The following MMP8 variants were observed in gnomAD, a reference collection of about 807,000 sequenced individuals.
MMP8 encodes the protein matrix metallopeptidase 8, also known as neutrophil collagenase.
A neutral mutation model predicts 51.2 loss-of-function variants in MMP8; 67 were observed. That is an observed-to-expected ratio of 1.31 (90% CI 1.08 to 1.60). The LOEUF is 1.60. Ranked by LOEUF, MMP8 falls within the 40% of genes most tolerant of loss-of-function variation. The pLI is 0.00. For synonymous variants in MMP8, 225 were observed against 191.0 expected, an observed-to-expected ratio of 1.18 and a Z score of -1.47; for missense variants, 654 against 558.1, an observed-to-expected ratio of 1.17 and a Z score of -1.73.
rs1861165187 is a variant in MMP8, at chr11:102,712,859, T to C, written c.*489A>G. The C allele has an allele frequency of 6.6e-6, 1 of 152,616 alleles. No individual in the cohort carries two copies. Among genetic ancestry groups the C allele is most frequent in the African/African-American group, 2.4e-5 (1 of 41,444 alleles). 9.5% of individuals were successfully genotyped at this position (152,616 alleles called of 1,614,324 possible). On this transcript the variant is annotated 3_prime_UTR_variant, in exon 10 of 10. Transcript: ENST00000236826. ...AATTCAACCCACGAAACATATCATC[T>C]ACATTTCTTTCCAAGGGTAGAAAAC... is the stretch of plus-strand genomic sequence containing the variant.
chr11:102,717,760 C>T (rs185536667), intron 5 of MMP8, among the ~76,000 whole-genome samples: 1 of 152,288 alleles, frequency 6.6e-6, no homozygotes, highest in East Asian at 1.9e-4. Context: ...TTGATAGATA[C>T]ATCTGGGAGC....
chr11:102,713,675 G>T (rs1435852216), intron 9 of MMP8, 79 bp downstream of exon 9: 6 of 1,260,328 alleles, frequency 4.8e-6, no homozygotes, highest in Non-Finnish European at 5.6e-6. Context: ...ACACTAACCT[G>T]GTCAGCATAG....
chr11:102,718,531 A>C lies in MMP8; in HGVS notation c.667T>G (p.Leu223Val). Residue 223 changes from leucine to valine, a missense_variant, in exon 5 of 10, where the codon TTG (leucine) becomes GTG (valine). By Grantham distance (32) the Leu-to-Val change is conservative. Transcript: ENST00000236826. ...LVAAHEFGHS[L>V]GLAHSSDPGA... The stretch of plus-strand genomic sequence containing the variant: ...GGGTCAGAGGAGTGAGCGAGCCCCA[A>C]AGAATGGCCAAATTCATGAGCAGCA... The C allele has an allele frequency of 6.2e-7, 1 of 1,613,934 alleles. No individual in the cohort carries two copies. The highest frequency in any genetic ancestry group is 8.5e-7 in the Non-Finnish European group (1 of 1,179,888).
At chr11:102,714,806 A>ATATAT (rs1861238462) in intron 7 of MMP8, 97 bp from the exon 8 acceptor site, 1 of 211,730 alleles carries the variant, frequency 4.7e-6, no homozygotes, top group Non-Finnish European at 8.0e-6. Context: ...ATATATATAT[A>ATATAT]CCACTTCTTG....
chr11:102,722,923 C>T (rs1861517067), intron 1 of MMP8: 2 of 1,161,568 alleles, frequency 1.7e-6, no homozygotes, highest in South Asian at 2.6e-5. Flanking sequence ...GATCACATCA[C>T]ACAGGCAAAG....
chr11:102,715,529 T>C (rs1483084457), intron 6 of MMP8, 92 bp from the exon 7 acceptor site: 1 of 1,477,324 alleles, frequency 6.8e-7, no homozygotes, highest in Non-Finnish European at 9.1e-7. Flanking sequence ...ATGGTCCTTG[T>C]AGGATTGCTG....
At chr11:102,715,209 C>G (rs1861253148) in intron 7 of MMP8, 95 bp downstream of exon 7, 2 of 1,445,980 alleles carry the variant, frequency 1.4e-6, no homozygotes, top group South Asian at 1.4e-5. Flanking sequence ...TTAATGCTGT[C>G]ATTAGCTCAC....
At chr11:102,714,459 A>G in intron 8 of MMP8, 97 bp downstream of exon 8, 1 of 731,750 alleles carries the variant, frequency 1.4e-6, no homozygotes, top group Non-Finnish European at 1.9e-6. Flanking sequence ...ATTAGAGACT[A>G]TCTAGATTGT....
chr11:102,719,045 G>C (rs1263947935), intron 4 of MMP8, among the ~76,000 whole-genome samples: 1 of 152,116 alleles, frequency 6.6e-6, no homozygotes, highest in Non-Finnish European at 1.5e-5. Flanking sequence ...GCTCATGTTG[G>C]CTCCCTCATC....
chr11:102,716,225 C>T (rs773705639), intron 6 of MMP8, 77 bp downstream of exon 6: 108 of 1,038,322 alleles, frequency 1.0e-4, no homozygotes, highest in Non-Finnish European at 1.4e-4. Flanking sequence ...AGGTGACTAA[C>T]GTGTGACTTA....
At chr11:102,719,716 C>G (rs1167676348) in intron 4 of MMP8, among the ~76,000 whole-genome samples, 1 of 152,186 alleles carries the variant, frequency 6.6e-6, no homozygotes, top group Admixed American at 6.5e-5. Context: ...GAGTGCATTT[C>G]AGAAAAATAT....
intron 5 of MMP8, among the ~76,000 whole-genome samples, chr11:102,718,111 C>G (rs565422940): frequency 6.0e-5 from 9 of 150,818 alleles, no homozygotes; most frequent in East Asian, 1.9e-4. Flanking sequence ...CATCCCCCCC[C>G]CCAAAAAAAA....
chr11:102,717,512 T>G (rs1296364710), intron 5 of MMP8, among the ~76,000 whole-genome samples: 3 of 152,230 alleles, frequency 2.0e-5, no homozygotes, highest in South Asian at 2.1e-4. Context: ...CTGTTTCTTT[T>G]TCACAAAGTA....
Position 102,715,413 on chromosome 11 carries a change from C to A in MMP8, c.927G>T (p.Gln309His). The change falls in exon 7 of 10, where the codon CAG becomes CAT. Residue 309 changes from glutamine (Q) to histidine (H), a missense_variant. Coordinates refer to ENST00000236826, the MANE Select transcript of MMP8 (RefSeq NM_002424.3). Reference protein sequence around the residue: ...KDRYFWRRHPQLQRVEMNFIS... With the variant: ...KDRYFWRRHPHLQRVEMNFIS... ...TAAAATTCATTTCGACTCTTTGTAG[C>A]TGAGGATGCCTTCTCCAGAAGTACC... 6.2e-7 allele frequency: 1 copy of A among 1,613,394 alleles called. No individual in the cohort carries two copies. Among genetic ancestry groups the A allele is most frequent in the Non-Finnish European group, 8.5e-7 (1 of 1,179,638 alleles).
intron 1 of MMP8, among the ~76,000 whole-genome samples, chr11:102,724,355 A>G (rs1217763393): frequency 1.3e-5 from 2 of 152,152 alleles, no homozygotes; most frequent in Non-Finnish European, 2.9e-5. Flanking sequence ...CTATATCTGG[A>G]ATTTTTGGCG....
At chr11:102,722,323 A>T (rs1253128529) in intron 2 of MMP8, 106 bp downstream of exon 2, 2 of 1,212,058 alleles carry the variant, frequency 1.7e-6, no homozygotes, top group Admixed American at 5.2e-5. Context: ...AAAGGCAGGG[A>T]TATTTATCTA....
intron 7 of MMP8, 44 bp from the exon 8 acceptor site, chr11:102,714,753 T>G (rs777343738): frequency 3.8e-6 from 3 of 779,768 alleles, no homozygotes; most frequent in Non-Finnish European, 3.6e-6. Flanking sequence ...CTTTTCCATT[T>G]TTACAAAATT....
At position 102,719,074 on chromosome 11, in the gene MMP8, G is replaced by T. The variant is rs987480502; in HGVS notation, c.623-499C>A. On this transcript the variant is annotated intron_variant, in intron 4 of 9. Coordinates refer to ENST00000236826, the MANE Select transcript of MMP8 (RefSeq NM_002424.3). Reference sequence around the variant, plus strand: ...CCTCATCACCCACAGCTTAGCACCAGCTCTTCTCTGTTTCTGAGCTTTCTA... The same window carrying T: ...CCTCATCACCCACAGCTTAGCACCATCTCTTCTCTGTTTCTGAGCTTTCTA... Among the ~76,000 whole-genome samples the T allele has an allele frequency of 4.6e-5, 7 of 152,168 alleles. 1 individual carries two copies. The highest frequency in any genetic ancestry group is 1.7e-4 in the African/African-American group (7 of 41,422).
intron 5 of MMP8, 29 bp downstream of exon 5, chr11:102,718,385 G>C: frequency 6.3e-7 from 1 of 1,593,900 alleles, no homozygotes; most frequent in Non-Finnish European, 8.6e-7. Context: ...GTCCTACCAT[G>C]TACTATGACT....
Sources: gnomAD v4.1 joint callset for allele counts (sites outside exome capture counted in the v4.1 genomes callset) on GRCh38, gnomAD v4.1.1 for gene constraint, MANE v1.5 for transcripts, NCBI Gene and HGNC (gene_info 2026-07-23, HGNC 2026-07-21) for gene names.